Variants in RNF157 observed in about 807,000 individuals in gnomAD.
The protein encoded by RNF157 is ring finger protein 157.
A neutral mutation model predicts 88.3 loss-of-function variants in RNF157; 55 were observed. The observed-to-expected ratio is 0.62, with a 90% CI of 0.50 to 0.78. The LOEUF (loss-of-function observed/expected upper bound fraction) is 0.78. Ranked by LOEUF, RNF157 falls within the 30% of genes least tolerant of loss-of-function variation. RNF157 has a pLI of 0.00. For missense variants in RNF157, 788 were observed against 860.8 expected, an observed-to-expected ratio of 0.92 and a Z score of 1.06; for synonymous variants, 334 against 341.2, an observed-to-expected ratio of 0.98 and a Z score of 0.23.
At chr17:76,194,887 C>T (rs924441142) in intron 2 of RNF157, among the ~76,000 whole-genome samples, 20 of 151,952 alleles carry the variant, frequency 1.3e-4, no homozygotes, top group African/African-American at 3.4e-4. Flanking sequence ...TGGTGGCGGG[C>T]GCCTGTAGTC....
At chr17:76,194,755 C>T (rs2069445257) in intron 2 of RNF157, among the ~76,000 whole-genome samples, 1 of 152,132 alleles carries the variant, frequency 6.6e-6, no homozygotes. Flanking sequence ...GTGGCTCACA[C>T]CTGTAATCCC....
In RNF157 at chr17:76,172,607, C is replaced by CAAAAAA. The variant is rs35297368; in HGVS notation, c.296+1089_296+1094dup. Among the ~76,000 whole-genome samples the CAAAAAA allele has an allele frequency of 1.1e-3, 34 of 31,712 alleles. 2 individuals carry two copies. Among genetic ancestry groups the CAAAAAA allele is most frequent in the African/African-American group, 4.1e-3 (33 of 8,080 alleles). 20.8% of individuals were successfully genotyped at this position (31,712 alleles called of 152,430 possible). On this transcript the variant is annotated intron_variant, in intron 3 of 18. Transcript: ENST00000269391. ...GGGCAACAAGAGCAAAACTCCATCT[C>CAAAAAA]AAAAAAAAAAAAAAAAAAAAAAAAA...
chr17:76,161,488 A>C lies in RNF157; in HGVS notation c.1065+47T>G. On this transcript the variant is annotated intron_variant, in intron 11 of 18. Transcript: ENST00000269391. The surrounding 1 kb of genome is among the most constrained non-coding windows in gnomAD (Gnocchi z 4.6). ...GAAGCATGAAAAGTTTAAAAAAGCC[A>C]ATGAGGCATTTGCTTCAGAGGGGCC... The C allele has an allele frequency of 7.2e-7, 1 of 1,387,710 alleles. No homozygotes were observed. Among genetic ancestry groups the C allele is most frequent in the Non-Finnish European group, 1.0e-6 (1 of 973,630 alleles). The allele number at this position is 1,387,710 out of a possible 1,614,324, so 86.0% of individuals were successfully genotyped here.
chr17:76,165,251 AGGT>A (rs2068903622), intron 7 of RNF157, among the ~76,000 whole-genome samples: 1 of 152,106 alleles, frequency 6.6e-6, no homozygotes, highest in Non-Finnish European at 1.5e-5. Context: ...AATTCTTTAA[AGGT>A]CTTATAATTA....
At chr17:76,185,635 A>G (rs991586247) in intron 2 of RNF157, among the ~76,000 whole-genome samples, 1 of 151,600 alleles carries the variant, frequency 6.6e-6, no homozygotes, top group African/African-American at 2.4e-5. Context: ...ACGCCCGGCT[A>G]ATTTTTTGTA....
chr17:76,206,124 G>C (rs1403282268), intron 2 of RNF157, among the ~76,000 whole-genome samples: 1 of 151,986 alleles, frequency 6.6e-6, no homozygotes, highest in Non-Finnish European at 1.5e-5. Context: ...CCAGCTACTG[G>C]AGAATCTGAG....
intron 1 of RNF157, among the ~76,000 whole-genome samples, chr17:76,238,085 CAA>C (rs555165221): frequency 4.1e-4 from 38 of 93,620 alleles, no homozygotes; most frequent in Admixed American, 1.1e-3. Flanking sequence ...GACGATGACT[CAA>C]AAAAAAAAAA....
intron 1 of RNF157, among the ~76,000 whole-genome samples, chr17:76,213,593 G>A (rs1361957640): frequency 6.7e-6 from 1 of 149,044 alleles, no homozygotes; most frequent in Non-Finnish European, 1.5e-5. Context: ...AAAAATGCTT[G>A]GAATATCCAA....
At chr17:76,189,292 TC>T (rs2069343845) in intron 2 of RNF157, among the ~76,000 whole-genome samples, 1 of 152,242 alleles carries the variant, frequency 6.6e-6, no homozygotes, top group South Asian at 2.1e-4. Flanking sequence ...ATATGGCAAC[TC>T]TGTTATCTTT....
intron 18 of RNF157, among the ~76,000 whole-genome samples, chr17:76,149,404 T>C (rs932190091): frequency 6.6e-6 from 1 of 151,964 alleles, no homozygotes; most frequent in South Asian, 2.1e-4. Flanking sequence ...ACCAGGCGCA[T>C]GTGCAGCTGT....
chr17:76,155,577 G>A lies in RNF157; in HGVS notation c.1683C>T (p.Pro561=), dbSNP rs749433492. Residue 561 remains proline, a synonymous_variant, in exon 15 of 19, where the codon CCC becomes CCT. Coordinates refer to ENST00000269391, the MANE Select transcript of RNF157 (RefSeq NM_052916.3). ...CTTCCCTTACCTCTCCTTCTTCTGA[G>A]GGGGCCCTGCTGGCAGGCTGGGGGG... ...LSSPQPASRA[P]SEEGEGLPAE... The A allele has an allele frequency of 4.3e-6, 7 of 1,612,520 alleles. No homozygotes were observed. Among genetic ancestry groups the A allele is most frequent in the South Asian group, 1.1e-5 (1 of 90,960 alleles).
In RNF157 at chr17:76,155,607, G is replaced by C. The variant is rs753486491; in HGVS notation, c.1653C>G (p.Leu551=). ...CCCTGCTGGCAGGCTGGGGGGAAGA[G>C]AGAGCCTCTCCCTCCTCTTCAGTGC... ...APGTEEEGEA[L]SSPQPASRAP... is the part of the protein sequence containing the mutation. The change falls in exon 15 of 19, where the codon CTC becomes CTG. Residue 551 remains leucine (L), a synonymous_variant. Transcript: ENST00000269391. 6.2e-7 allele frequency: 1 copy of C among 1,613,572 alleles called. No homozygotes were observed. The highest frequency in any genetic ancestry group is 2.2e-5 in the East Asian group (1 of 44,872).
At chr17:76,186,709 GC>G (rs1396252920) in intron 2 of RNF157, among the ~76,000 whole-genome samples, 1 of 152,010 alleles carries the variant, frequency 6.6e-6, no homozygotes, top group East Asian at 1.9e-4. Context: ...GGAGGCCGAG[GC>G]GGGCAGATAA....
chr17:76,231,019 G>C (rs908778678), intron 1 of RNF157, among the ~76,000 whole-genome samples: 1 of 150,994 alleles, frequency 6.6e-6, no homozygotes, highest in Non-Finnish European at 1.5e-5. Context: ...GTCCACTGCA[G>C]CCTTGACCTC....
intron 12 of RNF157, among the ~76,000 whole-genome samples, chr17:76,158,786 C>A (rs1191443326): frequency 6.6e-6 from 1 of 152,126 alleles, no homozygotes; most frequent in Non-Finnish European, 1.5e-5. Flanking sequence ...GAAATAGAAC[C>A]AGAGAGGGAT....
chr17:76,172,265 G>C (rs2069026197), intron 3 of RNF157, among the ~76,000 whole-genome samples: 1 of 152,164 alleles, frequency 6.6e-6, no homozygotes, highest in Non-Finnish European at 1.5e-5. Flanking sequence ...AGTGAGCTGA[G>C]ATCGTGCCAC....
chr17:76,184,860 T>C (rs1014128296), intron 2 of RNF157, among the ~76,000 whole-genome samples: 2 of 152,244 alleles, frequency 1.3e-5, no homozygotes, highest in African/African-American at 4.8e-5. Context: ...CGAACTCCTC[T>C]GCTAGGTCTC....
At chr17:76,224,640 C>A (rs951619094) in intron 1 of RNF157, among the ~76,000 whole-genome samples, 2 of 151,846 alleles carry the variant, frequency 1.3e-5, no homozygotes, top group Non-Finnish European at 2.9e-5. Flanking sequence ...TTTTGACTTC[C>A]CTTGGCCACA....
At chr17:76,168,876 TAA>T (rs1346397356) in intron 3 of RNF157, among the ~76,000 whole-genome samples, 1 of 152,242 alleles carries the variant, frequency 6.6e-6, no homozygotes, top group African/African-American at 2.4e-5. Flanking sequence ...AAATAATTTC[TAA>T]AAGACACTGA....
Sources: gnomAD v4.1 joint callset for allele counts (sites outside exome capture counted in the v4.1 genomes callset) on GRCh38, gnomAD v4.1.1 for gene constraint, Gnocchi (gnomAD v3.1) non-coding constraint, MANE v1.5 for transcripts, NCBI Gene and HGNC (gene_info 2026-07-23, HGNC 2026-07-21) for gene names.